The following GPR39 variants were observed in gnomAD, a reference collection of about 807,000 sequenced individuals.
GPR39 encodes G protein-coupled receptor 39.
A neutral mutation model predicts 18.4 loss-of-function variants in GPR39; 23 were observed. The observed-to-expected ratio is 1.25, with a 90% CI of 0.90 to 1.77. The LOEUF is 1.77. GPR39 is among the 40% of genes most tolerant of loss of function. GPR39 has a pLI of 0.00. For missense variants in GPR39, 647 were observed against 602.4 expected (o/e 1.07, Z -0.78); for synonymous variants, 280 against 257.9 (o/e 1.09, Z -0.82).
intron 1 of GPR39, among the ~76,000 whole-genome samples, chr2:132,520,708 G>A (rs545931462): frequency 6.6e-6 from 1 of 152,340 alleles, no homozygotes; most frequent in South Asian, 2.1e-4. Context: ...GAAGGGAGTG[G>A]GTAGAGGGAG....
chr2:132,631,824 C>CT (rs796381645), intron 1 of GPR39, among the ~76,000 whole-genome samples: 5,539 of 141,766 alleles, frequency 0.039, 290 homozygotes, highest in African/African-American at 0.13. Flanking sequence ...TCTTCTTCTT[C>CT]TTTTTTTTTT....
At chr2:132,556,360 C>T (rs1680152047) in intron 1 of GPR39, among the ~76,000 whole-genome samples, 1 of 152,172 alleles carries the variant, frequency 6.6e-6, no homozygotes, top group African/African-American at 2.4e-5. Flanking sequence ...AGTGTAAATG[C>T]TCCCACCATG....
At chr2:132,584,160 A>G (rs1680679883) in intron 1 of GPR39, among the ~76,000 whole-genome samples, 1 of 152,092 alleles carries the variant, frequency 6.6e-6, no homozygotes, top group African/African-American at 2.4e-5. Context: ...GGCAGAGACC[A>G]GTGGGCACGT....
At chr2:132,624,969 C>G (rs1238762423) in intron 1 of GPR39, among the ~76,000 whole-genome samples, 1 of 152,102 alleles carries the variant, frequency 6.6e-6, no homozygotes. Context: ...GTCATAGGTT[C>G]TGCACATGAA....
intron 1 of GPR39, among the ~76,000 whole-genome samples, chr2:132,545,655 CGTGTGTGT>C (rs35108024): frequency 1.3e-5 from 2 of 149,746 alleles, no homozygotes; most frequent in Non-Finnish European, 1.5e-5. Context: ...GTGTGATGGG[CGTGTGTGT>C]GTGTGTGTGT....
intron 1 of GPR39, among the ~76,000 whole-genome samples, chr2:132,629,962 G>C (rs1033363162): frequency 6.6e-6 from 1 of 152,152 alleles, no homozygotes; most frequent in Non-Finnish European, 1.5e-5. Flanking sequence ...TTGGTTCAAC[G>C]ATAGTGCGTC....
chr2:132,640,014 T>C (rs1366223043), intron 1 of GPR39, among the ~76,000 whole-genome samples: 1 of 152,156 alleles, frequency 6.6e-6, no homozygotes, highest in African/African-American at 2.4e-5. Flanking sequence ...CCAGGAGATC[T>C]TGGGCAAATC....
intron 1 of GPR39, among the ~76,000 whole-genome samples, chr2:132,449,922 A>G (rs977045387): frequency 4.6e-5 from 7 of 152,086 alleles, no homozygotes; most frequent in Non-Finnish European, 1.0e-4. Flanking sequence ...ATCCCCTGGT[A>G]CAATCTCCTA....
intron 1 of GPR39, among the ~76,000 whole-genome samples, chr2:132,618,924 T>C (rs1214532110): frequency 3.3e-5 from 5 of 152,186 alleles, no homozygotes; most frequent in Non-Finnish European, 7.4e-5. Context: ...CTTGCCCTTT[T>C]GTGTTTCTTC....
chr2:132,487,488 T>G (rs1029871160), intron 1 of GPR39, among the ~76,000 whole-genome samples: 1 of 152,198 alleles, frequency 6.6e-6, no homozygotes. Context: ...GTGTCAGTAT[T>G]AATAGACACA....
At chr2:132,537,183 G>C (rs1287446387) in intron 1 of GPR39, among the ~76,000 whole-genome samples, 1 of 152,154 alleles carries the variant, frequency 6.6e-6, no homozygotes, top group Admixed American at 6.5e-5. Context: ...TTATATTGTG[G>C]TATGTTTTTG....
intron 1 of GPR39, among the ~76,000 whole-genome samples, chr2:132,595,074 C>T (rs934804205): frequency 8.5e-5 from 13 of 152,174 alleles, no homozygotes; most frequent in Admixed American, 8.5e-4. Context: ...TTTTGGCTTA[C>T]TGCAGCCTCC....
At chr2:132,491,515 T>A (rs1191924627) in intron 1 of GPR39, among the ~76,000 whole-genome samples, 2 of 151,964 alleles carry the variant, frequency 1.3e-5, no homozygotes, top group Non-Finnish European at 2.9e-5. Context: ...AGTGTGGGTA[T>A]ATATAGGGGA....
intron 1 of GPR39, among the ~76,000 whole-genome samples, chr2:132,485,601 G>A (rs985010198): frequency 9.9e-5 from 15 of 152,164 alleles, no homozygotes. Flanking sequence ...AACTTCCTCA[G>A]CAGGAGTAGA....
At chr2:132,531,033 G>T (rs966585285) in intron 1 of GPR39, among the ~76,000 whole-genome samples, 5 of 152,206 alleles carry the variant, frequency 3.3e-5, no homozygotes, top group African/African-American at 1.2e-4. Context: ...TGGGTTAAAT[G>T]CTCCAATTAA....
chr2:132,548,827 T>C (rs980800481), intron 1 of GPR39, among the ~76,000 whole-genome samples: 1 of 152,218 alleles, frequency 6.6e-6, no homozygotes, highest in Admixed American at 6.5e-5. Flanking sequence ...ACTACTCTTA[T>C]CATTATGCAG....
intron 1 of GPR39, among the ~76,000 whole-genome samples, chr2:132,530,534 A>G (rs919632348): frequency 1.3e-5 from 2 of 152,054 alleles, no homozygotes; most frequent in Middle Eastern, 3.2e-3. Context: ...GAGAAGACCA[A>G]CTCCAAGACA....
intron 1 of GPR39, among the ~76,000 whole-genome samples, chr2:132,612,535 G>A (rs1306810147): frequency 1.3e-5 from 2 of 152,136 alleles, no homozygotes; most frequent in South Asian, 4.1e-4. Context: ...TGTCAGGTTA[G>A]GCACAAATTA....
At chr2:132,541,679 A>C (rs1407357752) in intron 1 of GPR39, among the ~76,000 whole-genome samples, 1 of 152,110 alleles carries the variant, frequency 6.6e-6, no homozygotes, top group East Asian at 1.9e-4. Context: ...GAAGGCTTGC[A>C]CTTTCTGCCT....
Sources: gnomAD v4.1 joint callset for allele counts (sites outside exome capture counted in the v4.1 genomes callset) on GRCh38, gnomAD v4.1.1 for gene constraint, MANE v1.5 for transcripts, NCBI Gene and HGNC (gene_info 2026-07-23, HGNC 2026-07-21) for gene names.